CCSER2: variants seen among roughly 807,000 people sequenced by gnomAD.
CCSER2 encodes the protein coiled-coil serine rich protein 2.
A neutral mutation model predicts 92.3 loss-of-function variants in CCSER2; 46 were observed. The observed-to-expected ratio is 0.50, with a 90% confidence interval of 0.39 to 0.64. The LOEUF is 0.64. Among genes scored for constraint, CCSER2 ranks in the 30% least tolerant of loss-of-function variants. The pLI, the probability that CCSER2 is intolerant of heterozygous loss-of-function variation, is 0.00. For synonymous variants in CCSER2, 433 were observed against 431.4 expected (o/e 1.00, Z -0.04); for missense variants, 1,244 against 1,238.9 (o/e 1.00, Z -0.06).
chr10:84,367,225 C>T (rs989928497), intron 1 of CCSER2, among the ~76,000 whole-genome samples: 2 of 151,344 alleles, frequency 1.3e-5, no homozygotes, highest in African/African-American at 4.9e-5. Context: ...TTTTTTTTCA[C>T]CTTTATTTTA....
intron 1 of CCSER2, among the ~76,000 whole-genome samples, chr10:84,355,132 C>A (rs1845091693): frequency 6.6e-6 from 1 of 152,028 alleles, no homozygotes; most frequent in Non-Finnish European, 1.5e-5. Flanking sequence ...GTACTTAAAT[C>A]AAAGTGACTT....
chr10:84,482,457 C>T (rs1198069981), intron 9 of CCSER2, among the ~76,000 whole-genome samples: 1 of 152,160 alleles, frequency 6.6e-6, no homozygotes, highest in African/African-American at 2.4e-5. Context: ...GCATAGTGTA[C>T]AGATCCATGT....
chr10:84,391,532 G>C, intron 3 of CCSER2: 1 of 1,506,828 alleles, frequency 6.6e-7, no homozygotes, highest in Non-Finnish European at 9.2e-7. Context: ...CCCAAATCCA[G>C]AATTCATTTC....
chr10:84,477,605 A>G lies in CCSER2; in HGVS notation c.2266A>G (p.Lys756Glu), dbSNP rs1255299566. ...ATQHICHQKC[K>E]EEKCTYADKY... Reference sequence around the variant, plus strand: ...TCAGCATATCTGCCACCAAAAATGTAAAGAGGAAAAATGCACTTATGCTGA... The same window carrying G: ...TCAGCATATCTGCCACCAAAAATGTGAAGAGGAAAAATGCACTTATGCTGA... Residue 756 changes from lysine to glutamate, a missense_variant, in exon 9 of 10, where the codon AAA (lysine) becomes GAA (glutamate). Coordinates refer to ENST00000372088, the MANE Select transcript of CCSER2 (RefSeq NM_001284240.2). 8.7e-6 allele frequency: 14 copies of G among 1,612,216 alleles called. No individual in the cohort carries two copies. The highest frequency in any genetic ancestry group is 1.2e-5 in the Non-Finnish European group (14 of 1,178,832).
chr10:84,432,485 T>C (rs1009841660), intron 5 of CCSER2, among the ~76,000 whole-genome samples: 3 of 152,220 alleles, frequency 2.0e-5, no homozygotes, highest in East Asian at 1.9e-4. Flanking sequence ...CTCCCACTTA[T>C]AAGTGAGAAC....
At chr10:84,394,316 A>G (rs192585585) in intron 3 of CCSER2, among the ~76,000 whole-genome samples, 75 of 152,172 alleles carry the variant, frequency 4.9e-4, no homozygotes, top group African/African-American at 1.8e-3. Flanking sequence ...TAAATTATAA[A>G]CACATGATCG....
intron 3 of CCSER2, among the ~76,000 whole-genome samples, chr10:84,388,582 G>A (rs1270285275): frequency 6.6e-6 from 1 of 152,102 alleles, no homozygotes; most frequent in Non-Finnish European, 1.5e-5. Context: ...TTGCACATAA[G>A]CTTCCTACCT....
At chr10:84,417,990 G>C in intron 4 of CCSER2, 129 bp downstream of exon 4, 1 of 555,698 alleles carries the variant, frequency 1.8e-6, no homozygotes, top group Non-Finnish European at 3.3e-6. Flanking sequence ...TCAGTCTTAA[G>C]TGAGGTAAAA....
chr10:84,339,407 C>T (rs1589385377), intron 1 of CCSER2, among the ~76,000 whole-genome samples: 1 of 151,758 alleles, frequency 6.6e-6, no homozygotes, highest in East Asian at 1.9e-4. Flanking sequence ...AGAGGAGATT[C>T]CATGAAAATG....
chr10:84,473,230 T>A (rs1846925251), intron 8 of CCSER2: 1 of 152,220 alleles, frequency 6.6e-6, no homozygotes, highest in South Asian at 2.1e-4. Context: ...CCTGTTTTTC[T>A]AGGTGGTGTG....
intron 3 of CCSER2, among the ~76,000 whole-genome samples, chr10:84,403,853 C>G (rs1055493814): frequency 3.3e-5 from 5 of 152,232 alleles, no homozygotes; most frequent in African/African-American, 1.2e-4. Context: ...AAAATATATA[C>G]AAATGCTCCA....
chr10:84,332,412 T>TTTATATATATATA (rs1368768969), intron 1 of CCSER2, among the ~76,000 whole-genome samples: 1 of 82,272 alleles, frequency 1.2e-5, no homozygotes, highest in South Asian at 4.9e-4. Context: ...ATTTATTTTT[T>TTTATATATATATA]TATATATATA....
rs182103637 is a variant in CCSER2, at chr10:84,437,290, G to A, written c.1869-1222G>A. Among the ~76,000 whole-genome samples the A allele has an allele frequency of 8.9e-4, 135 of 152,206 alleles. 1 individual carries two copies. Among genetic ancestry groups the A allele is most frequent in the African/African-American group, 3.1e-3 (127 of 41,532 alleles). On this transcript the variant is annotated intron_variant, in intron 5 of 9. Coordinates refer to ENST00000372088, the MANE Select transcript of CCSER2 (RefSeq NM_001284240.2). Reference sequence around the variant, plus strand: ...TCCCAGAACTTTGGCAGGCCAAGGCGGGTGGATCACCTGAGGTCAGAAGTT... The same window carrying A: ...TCCCAGAACTTTGGCAGGCCAAGGCAGGTGGATCACCTGAGGTCAGAAGTT...
At chr10:84,347,931 G>C (rs943542083) in intron 1 of CCSER2, among the ~76,000 whole-genome samples, 8 of 152,076 alleles carry the variant, frequency 5.3e-5, no homozygotes, top group Non-Finnish European at 7.4e-5. Flanking sequence ...TTCCTAGGTG[G>C]GATGGCGGCC....
At chr10:84,467,463 T>A (rs1846515318) in intron 7 of CCSER2, among the ~76,000 whole-genome samples, 1 of 152,112 alleles carries the variant, frequency 6.6e-6, no homozygotes, top group African/African-American at 2.4e-5. Context: ...CCCCCACATA[T>A]GTGTGTGTAT....
intron 1 of CCSER2, among the ~76,000 whole-genome samples, chr10:84,364,746 G>GTTTT (rs34211688): frequency 7.2e-6 from 1 of 139,432 alleles, no homozygotes. Flanking sequence ...ATTTTTTTTT[G>GTTTT]TTTTTTTTTT....
chr10:84,382,326 G>C (rs1240420152), intron 3 of CCSER2, among the ~76,000 whole-genome samples: 1 of 152,082 alleles, frequency 6.6e-6, no homozygotes, highest in Non-Finnish European at 1.5e-5. Context: ...TTCAGACTAG[G>C]ATGAATTCTA....
intron 7 of CCSER2, among the ~76,000 whole-genome samples, chr10:84,466,994 G>T (rs1246239707): frequency 2.0e-5 from 3 of 152,008 alleles, no homozygotes; most frequent in African/African-American, 4.8e-5. Context: ...TCTTGAGTGC[G>T]CCTCCTCTAC....
At chr10:84,340,323 C>T (rs1483309058) in intron 1 of CCSER2, among the ~76,000 whole-genome samples, 1 of 152,110 alleles carries the variant, frequency 6.6e-6, no homozygotes, top group Non-Finnish European at 1.5e-5. Flanking sequence ...GTTTTCGTGA[C>T]AGGTTGCTCT....
Sources: gnomAD v4.1 joint callset for allele counts (sites outside exome capture counted in the v4.1 genomes callset) on GRCh38, gnomAD v4.1.1 for gene constraint, MANE v1.5 for transcripts, NCBI Gene and HGNC (gene_info 2026-07-23, HGNC 2026-07-21) for gene names.